Variants in SMOC2 observed in about 807,000 individuals in gnomAD.
SMOC2 encodes SPARC related modular calcium binding 2, also known as SPARC-related modular calcium-binding protein 2.
In SMOC2, 39 loss-of-function variants were observed where a neutral mutation model predicts 61.4. The observed-to-expected ratio is 0.64, with a 90% CI of 0.49 to 0.83. The LOEUF is 0.83. Among genes scored for constraint, SMOC2 ranks in the 40% least tolerant of loss-of-function variants. SMOC2 has a pLI of 0.00. For missense variants in SMOC2, 556 were observed against 592.9 expected, an observed-to-expected ratio of 0.94 and a Z score of 0.65; for synonymous variants, 247 against 239.9, an observed-to-expected ratio of 1.03 and a Z score of -0.27.
Position 168,574,088 on chromosome 6 carries a change from C to T in SMOC2, c.638-24730C>T, listed in dbSNP as rs71573473. ...ACGAGGAAAAGAGGCTGGAAACAAG[C>T]GCACTCAATATTTCCTGCAGCTGTC... On this transcript the variant is annotated intron_variant, in intron 7 of 12. Coordinates refer to ENST00000356284, the MANE Select transcript of SMOC2 (RefSeq NM_001166412.2). Among the ~76,000 whole-genome samples the T allele has an allele frequency of 9.7e-4, 148 of 152,348 alleles. 1 individual carries two copies. The highest frequency in any genetic ancestry group is 1.4e-3 in the Non-Finnish European group (96 of 68,044).
intron 9 of SMOC2, among the ~76,000 whole-genome samples, chr6:168,633,105 GA>G (rs1489663747): frequency 9.9e-5 from 15 of 152,230 alleles, no homozygotes; most frequent in Non-Finnish European, 1.9e-4. Flanking sequence ...ACGTAGGGCT[GA>G]GATGACTTCA....
chr6:168,447,735 T>C (rs951134080), intron 1 of SMOC2, among the ~76,000 whole-genome samples: 1 of 152,048 alleles, frequency 6.6e-6, no homozygotes, highest in African/African-American at 2.4e-5. Context: ...TTCAGAGCCC[T>C]TGAGTGCAGG....
intron 1 of SMOC2, among the ~76,000 whole-genome samples, chr6:168,450,160 CAA>C (rs1225625807): frequency 6.6e-6 from 1 of 152,194 alleles, no homozygotes; most frequent in Non-Finnish European, 1.5e-5. Flanking sequence ...ACGGCCCTTT[CAA>C]AGACAGTCTA....
intron 1 of SMOC2, among the ~76,000 whole-genome samples, chr6:168,468,739 G>A (rs1248116673): frequency 6.6e-6 from 1 of 152,046 alleles, no homozygotes; most frequent in African/African-American, 2.4e-5. Flanking sequence ...TCACCATGTT[G>A]GCCAGGCTGG....
chr6:168,603,375 A>G (rs1785607095), intron 8 of SMOC2, among the ~76,000 whole-genome samples: 1 of 151,680 alleles, frequency 6.6e-6, no homozygotes, highest in Non-Finnish European at 1.5e-5. Context: ...AAGCCAGAGA[A>G]CAGAGCGGGT....
intron 7 of SMOC2, among the ~76,000 whole-genome samples, chr6:168,560,826 C>G (rs1483687266): frequency 2.1e-5 from 1 of 47,782 alleles, no homozygotes; most frequent in African/African-American, 1.6e-4. Context: ...ACGAGGCTCT[C>G]ACTGCATTCT....
intron 1 of SMOC2, among the ~76,000 whole-genome samples, chr6:168,506,865 T>C (rs1180719972): frequency 6.6e-6 from 1 of 152,268 alleles, no homozygotes; most frequent in East Asian, 1.9e-4. Flanking sequence ...CATAGTGAAT[T>C]CTTTGCAATA....
chr6:168,500,532 C>T lies in SMOC2; in HGVS notation c.85-9383C>T, dbSNP rs542863830. Reference sequence around the variant, plus strand: ...CGCGTGGTCATGCCCCGTGTTCTTGCACTCATTTTCTCCAACACCTTCTCT... The same window carrying T: ...CGCGTGGTCATGCCCCGTGTTCTTGTACTCATTTTCTCCAACACCTTCTCT... On this transcript the variant is annotated intron_variant, in intron 1 of 12. Coordinates refer to ENST00000356284, the MANE Select transcript of SMOC2 (RefSeq NM_001166412.2). Among the ~76,000 whole-genome samples, 8 of 152,144 alleles carry T rather than the reference C, an allele frequency of 5.3e-5. 1 individual carries two copies. Among genetic ancestry groups the T allele is most frequent in the African/African-American group, 1.7e-4 (7 of 41,494 alleles).
chr6:168,592,355 T>A (rs1463538395), intron 7 of SMOC2, among the ~76,000 whole-genome samples: 1 of 124,970 alleles, frequency 8.0e-6, no homozygotes, highest in Non-Finnish European at 1.8e-5. Flanking sequence ...TCCTCCTCCT[T>A]CCTGAGGCCT....
chr6:168,599,770 A>C (rs1233149512), intron 8 of SMOC2, among the ~76,000 whole-genome samples: 169 of 25,644 alleles, frequency 6.6e-3, no homozygotes, highest in Admixed American at 8.5e-3. Context: ...TCCCCCAAAC[A>C]CCCCCCCACA....
At chr6:168,550,858 C>T (rs191086639) in intron 7 of SMOC2, among the ~76,000 whole-genome samples, 2 of 152,164 alleles carry the variant, frequency 1.3e-5, no homozygotes, top group Non-Finnish European at 2.9e-5. Flanking sequence ...TTTTGTCACC[C>T]CATTTAAAAA....
intron 9 of SMOC2, among the ~76,000 whole-genome samples, chr6:168,641,100 C>T (rs1014574830): frequency 8.6e-5 from 13 of 152,044 alleles, no homozygotes; most frequent in South Asian, 2.1e-4. Flanking sequence ...TTTTGTCATG[C>T]CGAGTAACAC....
At chr6:168,622,059 G>A (rs551011153) in intron 9 of SMOC2, among the ~76,000 whole-genome samples, 54 of 152,032 alleles carry the variant, frequency 3.6e-4, no homozygotes, top group African/African-American at 1.1e-3. Context: ...TCCGCCTCCC[G>A]GGTTCACGCC....
At chr6:168,560,238 A>G (rs1342759415) in intron 7 of SMOC2, among the ~76,000 whole-genome samples, 1 of 152,186 alleles carries the variant, frequency 6.6e-6, no homozygotes, top group Non-Finnish European at 1.5e-5. Context: ...TTTTGCCTGA[A>G]AGTCACATTA....
rs142039718 is a variant in SMOC2, at chr6:168,447,602, A to G, written c.84+6148A>G. On this transcript the variant is annotated intron_variant, in intron 1 of 12. Coordinates refer to ENST00000356284, the MANE Select transcript of SMOC2 (RefSeq NM_001166412.2). ...CCGAGGGCAGACATTTTTGGGGGGA[A>G]AGGGGTAGGCAAACTCTTAACATTT... 1.1e-4 allele frequency among the ~76,000 whole-genome samples: 17 copies of G among 152,218 alleles called. No homozygotes were observed. The East Asian group carries it at 3.1e-3, about 28-fold the overall frequency.
At chr6:168,632,031 G>A (rs1055729080) in intron 9 of SMOC2, among the ~76,000 whole-genome samples, 1 of 152,304 alleles carries the variant, frequency 6.6e-6, no homozygotes, top group African/African-American at 2.4e-5. Flanking sequence ...GTCATCACAC[G>A]TGAGCTCCGT....
chr6:168,589,523 A>C (rs1785123546), intron 7 of SMOC2, among the ~76,000 whole-genome samples: 1 of 152,256 alleles, frequency 6.6e-6, no homozygotes, highest in Non-Finnish European at 1.5e-5. Context: ...TCAGGGAAAC[A>C]TGGAAAAGCT....
At position 168,453,267 on chromosome 6, in the gene SMOC2, C is replaced by T. The variant is rs1262020927; in HGVS notation, c.84+11813C>T. Among the ~76,000 whole-genome samples, 1 of 152,162 alleles carries T rather than the reference C, an allele frequency of 6.6e-6. No individual in the cohort carries two copies. Among genetic ancestry groups the T allele is most frequent in the South Asian group, 2.1e-4 (1 of 4,826 alleles). Reference sequence around the variant, plus strand: ...TGTGCCCCAAGAGGGTGTGGGGCAGCCAGGGGGTGTGGTGGCCTCAAGGCT... The same window carrying T: ...TGTGCCCCAAGAGGGTGTGGGGCAGTCAGGGGGTGTGGTGGCCTCAAGGCT... On this transcript the variant is annotated intron_variant, in intron 1 of 12. Coordinates refer to ENST00000356284, the MANE Select transcript of SMOC2 (RefSeq NM_001166412.2). This position sits in a 1 kb window ranked among gnomAD's most constrained non-coding sequence, Gnocchi z 4.4.
At chr6:168,607,946 C>T (rs1219659237) in intron 8 of SMOC2, among the ~76,000 whole-genome samples, 1 of 152,182 alleles carries the variant, frequency 6.6e-6, no homozygotes, top group Non-Finnish European at 1.5e-5. Flanking sequence ...TCACAGTGTG[C>T]TTCTTCCTAC....
Sources: gnomAD v4.1 joint callset for allele counts (sites outside exome capture counted in the v4.1 genomes callset) on GRCh38, gnomAD v4.1.1 for gene constraint, Gnocchi (gnomAD v3.1) non-coding constraint, MANE v1.5 for transcripts, NCBI Gene and HGNC (gene_info 2026-07-23, HGNC 2026-07-21) for gene names.